ADAMTS17: variants seen among roughly 807,000 people sequenced by gnomAD.
The protein encoded by ADAMTS17 is A disintegrin and metalloproteinase with thrombospondin motifs 17.
A neutral mutation model predicts 141.5 loss-of-function variants in ADAMTS17; 113 were observed. The ratio of observed to expected loss-of-function variants is 0.80; its 90% CI spans 0.69 to 0.93. ADAMTS17 has a LOEUF of 0.93. Ranked by LOEUF, ADAMTS17 falls within the 40% of genes least tolerant of loss-of-function variation. ADAMTS17 has a pLI of 0.00. For synonymous variants in ADAMTS17, 768 were observed against 630.6 expected (o/e 1.22, Z -3.27); for missense variants, 1,659 against 1,517.9 (o/e 1.09, Z -1.54).
chr15:100,338,204 G>C (rs1038889480), intron 2 of ADAMTS17, among the ~76,000 whole-genome samples: 1 of 152,136 alleles, frequency 6.6e-6, no homozygotes, highest in African/African-American at 2.4e-5. Flanking sequence ...TCTATCTGCT[G>C]TCAAAAGGAA....
intron 8 of ADAMTS17, among the ~76,000 whole-genome samples, chr15:100,166,423 T>G (rs912948165): frequency 3.3e-5 from 5 of 152,210 alleles, no homozygotes; most frequent in Non-Finnish European, 7.4e-5. Flanking sequence ...AAAATAATAT[T>G]AAATATCAGT....
intron 8 of ADAMTS17, among the ~76,000 whole-genome samples, chr15:100,198,459 T>A (rs1375150015): frequency 2.6e-5 from 4 of 152,214 alleles, no homozygotes; most frequent in Non-Finnish European, 5.9e-5. Flanking sequence ...ACCTTTACAA[T>A]AATTTTTCCC....
At chr15:100,107,860 C>T (rs879671449) in intron 14 of ADAMTS17, among the ~76,000 whole-genome samples, 1 of 152,150 alleles carries the variant, frequency 6.6e-6, no homozygotes, top group African/African-American at 2.4e-5. Flanking sequence ...TGTATCGTTA[C>T]AGGTGCCCAA....
chr15:100,111,187 G>C (rs1346735573), intron 13 of ADAMTS17, among the ~76,000 whole-genome samples: 3 of 152,206 alleles, frequency 2.0e-5, no homozygotes, highest in African/African-American at 7.2e-5. Flanking sequence ...ACTCTGGGGG[G>C]CACTTCCGGG....
intron 2 of ADAMTS17, among the ~76,000 whole-genome samples, chr15:100,332,081 G>A (rs1447635785): frequency 6.6e-6 from 1 of 152,162 alleles, no homozygotes; most frequent in African/African-American, 2.4e-5. Context: ...CCAAGATACA[G>A]GGTGAGGCCA....
chr15:100,305,351 A>C lies in ADAMTS17; in HGVS notation c.617-23950T>G, dbSNP rs906489084. Among the ~76,000 whole-genome samples, 7 of 152,300 alleles carry C rather than the reference A, an allele frequency of 4.6e-5. No individual in the cohort carries two copies. In the East Asian group the frequency reaches 1.2e-3, roughly 25 times the overall value. On this transcript the variant is annotated intron_variant, in intron 3 of 21. Coordinates refer to ENST00000268070, the MANE Select transcript of ADAMTS17 (RefSeq NM_139057.4). ...CCTATTTAGGATGCCAGATTCCTCA[A>C]ACTGTTTCTGGTCCCTGAAATAAAT... is the stretch of plus-strand genomic sequence containing the variant.
intron 2 of ADAMTS17, among the ~76,000 whole-genome samples, chr15:100,333,690 G>T (rs760354317): frequency 8.4e-4 from 128 of 152,328 alleles, no homozygotes; most frequent in Non-Finnish European, 1.4e-3. Context: ...GCTGAGCAGG[G>T]CTTCTTGGAT....
intron 7 of ADAMTS17, among the ~76,000 whole-genome samples, chr15:100,224,949 C>G (rs573701100): frequency 1.4e-4 from 22 of 152,340 alleles, no homozygotes; most frequent in Middle Eastern, 3.4e-3. Flanking sequence ...CCATCTGGAC[C>G]CATGAGCACC....
chr15:100,175,130 G>T (rs1242170653), intron 8 of ADAMTS17, among the ~76,000 whole-genome samples: 1 of 152,206 alleles, frequency 6.6e-6, no homozygotes, highest in African/African-American at 2.4e-5. Context: ...CATTTGGAGT[G>T]AAACAAGAAT....
At chr15:100,140,982 A>G (rs1236853144) in intron 10 of ADAMTS17, among the ~76,000 whole-genome samples, 1 of 152,170 alleles carries the variant, frequency 6.6e-6, no homozygotes, top group Non-Finnish European at 1.5e-5. Context: ...TGCCCAGGCC[A>G]AATCAGGGGT....
intron 4 of ADAMTS17, among the ~76,000 whole-genome samples, chr15:100,265,309 T>C (rs2043671820): frequency 6.6e-6 from 1 of 152,202 alleles, no homozygotes; most frequent in African/African-American, 2.4e-5. Context: ...AAGTCTCGTC[T>C]TCTTTTTTTT....
At chr15:100,067,586 GT>G (rs2033632749) in intron 15 of ADAMTS17, among the ~76,000 whole-genome samples, 1 of 151,854 alleles carries the variant, frequency 6.6e-6, no homozygotes. Context: ...GATCTATTTG[GT>G]TTTCTTTTGA....
intron 8 of ADAMTS17, among the ~76,000 whole-genome samples, chr15:100,194,232 G>A (rs1252985609): frequency 6.6e-6 from 1 of 152,046 alleles, no homozygotes; most frequent in Non-Finnish European, 1.5e-5. Context: ...GACACAGGTG[G>A]GCACAGGGTC....
chr15:100,340,885 T>A (rs1158959291), intron 2 of ADAMTS17, 154 bp downstream of exon 2: 1 of 1,179,722 alleles, frequency 8.5e-7, no homozygotes, highest in Non-Finnish European at 1.2e-6. Flanking sequence ...AAGGCCGGGG[T>A]GGGGGATGGG....
At chr15:100,119,419 G>C (rs547080041) in intron 12 of ADAMTS17, among the ~76,000 whole-genome samples, 1 of 152,334 alleles carries the variant, frequency 6.6e-6, no homozygotes, top group East Asian at 1.9e-4. Context: ...AATTAGGTGG[G>C]TTCGTAGAAG....
intron 3 of ADAMTS17, among the ~76,000 whole-genome samples, chr15:100,295,705 G>C (rs1468939115): frequency 6.6e-6 from 1 of 152,184 alleles, no homozygotes; most frequent in South Asian, 2.1e-4. Flanking sequence ...TGCTCGTGCA[G>C]ACACTGACAC....
intron 7 of ADAMTS17, among the ~76,000 whole-genome samples, chr15:100,211,904 T>C (rs558444641): frequency 1.2e-4 from 18 of 152,254 alleles, no homozygotes; most frequent in African/African-American, 3.4e-4. Flanking sequence ...AATTGGTATA[T>C]TGGCCATTTT....
At chr15:100,121,947 C>T (rs887210167) in intron 12 of ADAMTS17, among the ~76,000 whole-genome samples, 1 of 152,134 alleles carries the variant, frequency 6.6e-6, no homozygotes, top group Non-Finnish European at 1.5e-5. Context: ...TCCCTGACAT[C>T]TTAAGTGTGG....
chr15:100,238,069 A>C (rs947964238), intron 7 of ADAMTS17, among the ~76,000 whole-genome samples: 1 of 152,232 alleles, frequency 6.6e-6, no homozygotes, highest in African/African-American at 2.4e-5. Context: ...ACTGTGGGAC[A>C]GCCACTCACC....
Sources: allele counts gnomAD v4.1 joint callset (sites outside exome capture counted in the v4.1 genomes callset), GRCh38; gene constraint gnomAD v4.1.1; transcripts MANE v1.5; gene names NCBI Gene and HGNC (gene_info 2026-07-23, HGNC 2026-07-21).